The following BANP variants were observed in gnomAD, a reference collection of about 807,000 sequenced individuals.
The protein encoded by BANP is protein BANP.
A neutral mutation model predicts 68.1 loss-of-function variants in BANP; 11 were observed. The observed-to-expected ratio is 0.16, with a 90% CI of 0.10 to 0.27. BANP has a LOEUF of 0.27. Ranked by LOEUF, BANP falls within the 10% of genes least tolerant of loss-of-function variation. The probability of loss-of-function intolerance (pLI) is 1.00; values close to 1 mark genes in which losing one functional copy is unlikely to be tolerated. For synonymous variants in BANP, 329 were observed against 303.2 expected, an observed-to-expected ratio of 1.09 and a Z score of -0.88; for missense variants, 504 against 722.7, an observed-to-expected ratio of 0.70 and a Z score of 3.47.
rs1413072186 is a variant in BANP at position 88,004,383 on chromosome 16, C to A, written c.451C>A (p.Pro151Thr). ...GGAAGACCCCTTGAGCAACAGGGCA[C>A]CGGATTCCCTGGAAAATGTCATTAG... ...KMEDPLSNRAPDSLENVISNA... is the reference protein window; with the variant it reads ...KMEDPLSNRATDSLENVISNA... Residue 151 changes from proline (P) to threonine (T), a missense_variant, in exon 5 of 14, where the codon CCG becomes ACG. By Grantham distance (38) the Pro-to-Thr change is conservative. This residue lies in a region of BANP where 238 missense variants were observed against 278.9 expected (regional missense o/e 0.85). Coordinates refer to ENST00000682872, the MANE Select transcript of BANP (RefSeq NM_001386991.1). The surrounding 1 kb of genome is among the most constrained non-coding windows in gnomAD (Gnocchi z 7.0). 1 of 1,544,054 alleles carries A rather than the reference C, an allele frequency of 6.5e-7. No homozygotes were observed. Among genetic ancestry groups the A allele is most frequent in the South Asian group, 1.2e-5 (1 of 83,714 alleles).
chr16:88,060,812 C>T (rs1028903381), intron 11 of BANP, among the ~76,000 whole-genome samples: 4 of 152,160 alleles, frequency 2.6e-5, no homozygotes, highest in African/African-American at 9.7e-5. Flanking sequence ...GTGCACGCGT[C>T]ATGCAGATAC....
intron 1 of BANP, among the ~76,000 whole-genome samples, chr16:87,961,796 A>C (rs1318936241): frequency 1.3e-5 from 2 of 152,128 alleles, no homozygotes; most frequent in Non-Finnish European, 2.9e-5. Context: ...TTATAGACTA[A>C]TGGGCTCTCC....
chr16:87,953,048 A>G (rs978159263), intron 1 of BANP, among the ~76,000 whole-genome samples: 2 of 152,158 alleles, frequency 1.3e-5, no homozygotes, highest in African/African-American at 2.4e-5. Context: ...GGGCAGCTCA[A>G]CATCTCGGGT....
chr16:88,053,153 C>T (rs73252324), intron 11 of BANP, among the ~76,000 whole-genome samples: 2,631 of 151,738 alleles, frequency 0.017, 82 homozygotes, highest in African/African-American at 0.06. Context: ...ATCACCAACA[C>T]AACCATAACC....
chr16:88,033,059 A>G (rs749452960), intron 8 of BANP, 50 bp from the exon 9 acceptor site: 21 of 1,534,244 alleles, frequency 1.4e-5, no homozygotes, highest in East Asian at 2.3e-5. Flanking sequence ...ACACCAGGCA[A>G]TGCCTAAGAA....
At chr16:87,974,129 G>C (rs2061608406) in intron 1 of BANP, among the ~76,000 whole-genome samples, 1 of 152,124 alleles carries the variant, frequency 6.6e-6, no homozygotes, top group African/African-American at 2.4e-5. Flanking sequence ...CCATTTATGT[G>C]TCAATAATTA....
chr16:87,967,908 A>G (rs2060366924), intron 1 of BANP, among the ~76,000 whole-genome samples: 1 of 151,790 alleles, frequency 6.6e-6, no homozygotes, highest in South Asian at 2.1e-4. Flanking sequence ...GGTGTGAGCC[A>G]CCGTGCCTGG....
At chr16:88,073,554 C>A (rs6540163) in intron 13 of BANP, among the ~76,000 whole-genome samples, 20,318 of 152,294 alleles carry the variant, frequency 0.13, 1,600 homozygotes, top group South Asian at 0.33. Context: ...CAGTGAGGAG[C>A]GGGTGGGTGG....
chr16:88,030,988 G>T (rs548238259), intron 8 of BANP, among the ~76,000 whole-genome samples: 1 of 152,246 alleles, frequency 6.6e-6, no homozygotes, highest in Non-Finnish European at 1.5e-5. Context: ...GGTTTTGTAG[G>T]TGCTAAGAGG....
At chr16:87,952,172 C>T (rs1009389531) in intron 1 of BANP, 7 of 152,110 alleles carry the variant, frequency 4.6e-5, no homozygotes, top group Admixed American at 3.3e-4. Context: ...TTTTCTTTTT[C>T]CCCCCTAGGA....
intron 3 of BANP, chr16:87,982,518 G>A (rs1304619173): frequency 6.6e-6 from 1 of 152,210 alleles, no homozygotes; most frequent in Non-Finnish European, 1.5e-5. Context: ...TTTTCACGAC[G>A]ATGCATGTTT....
At chr16:88,014,234 C>T (rs529582065) in intron 6 of BANP, among the ~76,000 whole-genome samples, 23 of 152,282 alleles carry the variant, frequency 1.5e-4, no homozygotes, top group African/African-American at 5.5e-4. Context: ...GGGGCAGCTC[C>T]GTGTGGGGTG....
chr16:87,998,681 C>A (rs139126564), intron 4 of BANP, among the ~76,000 whole-genome samples: 1 of 148,592 alleles, frequency 6.7e-6, no homozygotes, highest in African/African-American at 2.5e-5. Flanking sequence ...TGCACGTGCG[C>A]GGCTGGACTT....
chr16:87,990,527 T>C (rs1300334222), intron 4 of BANP, among the ~76,000 whole-genome samples: 2 of 152,238 alleles, frequency 1.3e-5, no homozygotes, highest in Non-Finnish European at 2.9e-5. Context: ...TTTTCAGTTT[T>C]GGGTCATTGA....
At chr16:87,994,259 G>A (rs2066629813) in intron 4 of BANP, among the ~76,000 whole-genome samples, 1 of 152,240 alleles carries the variant, frequency 6.6e-6, no homozygotes, top group African/African-American at 2.4e-5. Context: ...TCTCTCACTA[G>A]TAGTCATTTG....
At chr16:87,960,235 G>C (rs529102081) in intron 1 of BANP, among the ~76,000 whole-genome samples, 1 of 152,334 alleles carries the variant, frequency 6.6e-6, no homozygotes, top group South Asian at 2.1e-4. Flanking sequence ...TGCCCACGCA[G>C]TCAGGAGCTT....
intron 11 of BANP, among the ~76,000 whole-genome samples, chr16:88,062,751 A>G (rs2152880927): frequency 6.6e-6 from 1 of 152,304 alleles, no homozygotes; most frequent in South Asian, 2.1e-4. Context: ...CTCCAGACAT[A>G]AAGCCGGCAG....
intron 9 of BANP, chr16:88,034,918 T>C (rs72818526): frequency 0.19 from 29,477 of 155,868 alleles, 3,497 homozygotes; most frequent in South Asian, 0.29. Context: ...ATTTGTAAGT[T>C]TCAGATTACA....
At chr16:88,012,561 A>C (rs1567748308) in intron 6 of BANP, among the ~76,000 whole-genome samples, 1 of 152,122 alleles carries the variant, frequency 6.6e-6, no homozygotes, top group Non-Finnish European at 1.5e-5. Flanking sequence ...CCTGCTGGAG[A>C]TGGAAATCTG....
Sources: gnomAD v4.1 joint callset for allele counts (sites outside exome capture counted in the v4.1 genomes callset) on GRCh38, gnomAD v4.1.1 for gene constraint, gnomAD v4.1.1 regional missense constraint, Gnocchi (gnomAD v3.1) non-coding constraint, MANE v1.5 for transcripts, NCBI Gene and HGNC (gene_info 2026-07-23, HGNC 2026-07-21) for gene names.